The following ARMH3 variants were observed in gnomAD, a reference collection of about 807,000 sequenced individuals.
The protein encoded by ARMH3 is armadillo-like helical domain-containing protein 3.
Under a neutral mutation model 99.1 loss-of-function variants are expected in ARMH3, and 60 were observed. That is an observed-to-expected ratio of 0.61 (90% CI 0.49 to 0.75). The LOEUF (loss-of-function observed/expected upper bound fraction) is 0.75, where lower values mean the gene tolerates loss of function less well. Among genes scored for constraint, ARMH3 ranks in the 30% least tolerant of loss-of-function variants. The probability of loss-of-function intolerance (pLI) is 0.00; values close to 1 mark genes in which losing one functional copy is unlikely to be tolerated. For synonymous variants in ARMH3, 285 were observed against 292.8 expected, an observed-to-expected ratio of 0.97 and a Z score of 0.27; for missense variants, 679 against 843.1, an observed-to-expected ratio of 0.81 and a Z score of 2.41.
At chr10:101,953,490 G>A (rs1044818924) in intron 22 of ARMH3, among the ~76,000 whole-genome samples, 1 of 148,910 alleles carries the variant, frequency 6.7e-6, no homozygotes, top group African/African-American at 2.5e-5. Context: ...TGATCCTCCC[G>A]CCTGGGACTC....
chr10:101,925,459 A>G (rs747375461), intron 23 of ARMH3, among the ~76,000 whole-genome samples: 1 of 152,242 alleles, frequency 6.6e-6, no homozygotes, highest in Admixed American at 6.5e-5. Context: ...TGAGAGAGAA[A>G]GAATGTTCAG....
At position 101,849,884 on chromosome 10, in the gene ARMH3, C is replaced by T. The variant is rs767858024; in HGVS notation, c.1869G>A (p.Glu623=). 24 of 1,614,036 alleles carry T rather than the reference C, an allele frequency of 1.5e-5. 1 individual carries two copies. In the South Asian group the frequency reaches 2.5e-4, roughly 17 times the overall value. ...GCGTGTCATAGTTGGCTCTCACCAC[C>T]TCCAGCACCTGGAGGACATCAAGGG... is the stretch of plus-strand genomic sequence containing the variant. The part of the protein sequence containing the change: ...ISQLSEEQVL[E]VVRANYDTLT... The change falls in exon 25 of 26, where the codon GAG becomes GAA. Residue 623 remains glutamate, a synonymous_variant. Transcript: ENST00000370033.
At chr10:102,026,014 T>C (rs558682886) in intron 5 of ARMH3, among the ~76,000 whole-genome samples, 2 of 152,124 alleles carry the variant, frequency 1.3e-5, no homozygotes, top group Non-Finnish European at 2.9e-5. Flanking sequence ...AAAGAAACAG[T>C]ATCATTACAG....
chr10:102,025,087 G>A (rs2066971947), intron 6 of ARMH3, 69 bp downstream of exon 6: 3 of 1,269,756 alleles, frequency 2.4e-6, no homozygotes, highest in Admixed American at 1.7e-5. Context: ...TTCTATCTTT[G>A]GGCTCAAGTA....
intron 22 of ARMH3, among the ~76,000 whole-genome samples, chr10:101,940,787 C>T (rs1362028831): frequency 6.6e-6 from 1 of 152,114 alleles, no homozygotes; most frequent in Non-Finnish European, 1.5e-5. Flanking sequence ...AATTCTCTCC[C>T]TTTTCCAAAC....
intron 23 of ARMH3, among the ~76,000 whole-genome samples, chr10:101,930,244 G>T (rs1332806781): frequency 1.3e-5 from 2 of 151,962 alleles, no homozygotes; most frequent in Admixed American, 1.3e-4. Flanking sequence ...AGCAAAAAAA[G>T]CATTTGACAA....
chr10:101,850,350 T>C (rs1256808636), intron 24 of ARMH3, among the ~76,000 whole-genome samples: 3 of 151,690 alleles, frequency 2.0e-5, no homozygotes, highest in Non-Finnish European at 4.4e-5. Flanking sequence ...CCACCTGCCT[T>C]GGCCTCCCAA....
intron 8 of ARMH3, among the ~76,000 whole-genome samples, chr10:102,018,925 C>A (rs920900628): frequency 2.0e-5 from 3 of 152,086 alleles, no homozygotes; most frequent in Non-Finnish European, 2.9e-5. Flanking sequence ...CCATTGCACT[C>A]CATCCTGGGC....
intron 19 of ARMH3, among the ~76,000 whole-genome samples, chr10:101,977,657 G>T (rs978956055): frequency 1.3e-5 from 2 of 152,230 alleles, no homozygotes. Context: ...AGGTGACTGG[G>T]TCATGAGGGC....
At chr10:101,941,872 T>A (rs555460219) in intron 22 of ARMH3, among the ~76,000 whole-genome samples, 2 of 152,212 alleles carry the variant, frequency 1.3e-5, no homozygotes, top group African/African-American at 4.8e-5. Context: ...ATTGTGAAAT[T>A]TATTTAGATG....
intron 8 of ARMH3, among the ~76,000 whole-genome samples, chr10:102,017,981 C>G (rs919862311): frequency 2.0e-5 from 3 of 152,156 alleles, no homozygotes; most frequent in African/African-American, 7.2e-5. Context: ...TCAAAAATCA[C>G]TAGGTGAAGA....
intron 1 of ARMH3, among the ~76,000 whole-genome samples, chr10:102,046,980 T>C (rs1448854412): frequency 6.6e-6 from 1 of 152,188 alleles, no homozygotes; most frequent in African/African-American, 2.4e-5. Flanking sequence ...TAAAAGATAA[T>C]TGTCTGATGT....
intron 24 of ARMH3, among the ~76,000 whole-genome samples, chr10:101,853,923 G>A (rs1008315349): frequency 6.6e-6 from 1 of 152,200 alleles, no homozygotes; most frequent in Non-Finnish European, 1.5e-5. Context: ...GACCAGCCTG[G>A]CCAAGATGGT....
Position 101,975,992 on chromosome 10 carries a change from A to C in ARMH3, c.1407-692T>G, listed in dbSNP as rs1480051743. Among the ~76,000 whole-genome samples the C allele has an allele frequency of 2.0e-5, 3 of 149,806 alleles. No homozygotes were observed. In the East Asian group the frequency reaches 5.9e-4, roughly 29 times the overall value. On this transcript the variant is annotated intron_variant, in intron 19 of 25. Transcript: ENST00000370033. Reference sequence around the variant, plus strand: ...ACAAGGTGAAACCCTGCCTCTACTAAAAATATACAAAAAATTAGCGGGGTG... The same window carrying C: ...ACAAGGTGAAACCCTGCCTCTACTACAAATATACAAAAAATTAGCGGGGTG...
chr10:102,012,883 G>C lies in ARMH3; in HGVS notation c.727-7C>G. ...CAATTACAAGTCCCATTCCCTAGAAGGGAAAAGATAGCACAGGTGAAATAA... is the reference window on the plus strand; with the variant it reads ...CAATTACAAGTCCCATTCCCTAGAACGGAAAAGATAGCACAGGTGAAATAA... On this transcript the variant is annotated splice_region_variant and splice_polypyrimidine_tract_variant and intron_variant, in intron 9 of 25. Coordinates refer to ENST00000370033, the MANE Select transcript of ARMH3 (RefSeq NM_024541.3). 6.2e-7 allele frequency: 1 copy of C among 1,605,104 alleles called. No homozygotes were observed. The highest frequency in any genetic ancestry group is 1.1e-5 in the South Asian group (1 of 89,048).
intron 22 of ARMH3, among the ~76,000 whole-genome samples, chr10:101,941,807 T>C (rs139373360): frequency 0.014 from 2,118 of 152,334 alleles, 33 homozygotes; most frequent in South Asian, 0.028. Context: ...CATACATTTA[T>C]TGTTCAACTC....
chr10:101,853,039 ATG>A (rs2066641751), intron 24 of ARMH3, among the ~76,000 whole-genome samples: 4 of 145,166 alleles, frequency 2.8e-5, no homozygotes, highest in African/African-American at 1.0e-4. Context: ...GCCTGCCACC[ATG>A]CTTGGCTAAT....
At chr10:102,011,202 T>G (rs1173106475) in intron 11 of ARMH3, among the ~76,000 whole-genome samples, 1 of 152,012 alleles carries the variant, frequency 6.6e-6, no homozygotes, top group Non-Finnish European at 1.5e-5. Context: ...GCCCAAACCC[T>G]AAGCTATTAG....
At chr10:101,994,779 G>A (rs1846977351) in intron 16 of ARMH3, among the ~76,000 whole-genome samples, 2 of 152,184 alleles carry the variant, frequency 1.3e-5, no homozygotes, top group African/African-American at 2.4e-5. Flanking sequence ...GCTCACGCCT[G>A]TAATCCCAGC....
Sources: gnomAD v4.1 joint callset for allele counts (sites outside exome capture counted in the v4.1 genomes callset) on GRCh38, gnomAD v4.1.1 for gene constraint, MANE v1.5 for transcripts, NCBI Gene and HGNC (gene_info 2026-07-23, HGNC 2026-07-21) for gene names.